Variants in PCDHA2 observed in about 807,000 individuals in gnomAD.
PCDHA2 encodes protocadherin alpha-2.
PCDHA2 carries 58 observed loss-of-function variants against 66.0 expected under a neutral mutation model. The observed-to-expected ratio is 0.88, with a 90% CI of 0.71 to 1.09. The LOEUF (loss-of-function observed/expected upper bound fraction) is 1.09, where lower values mean the gene tolerates loss of function less well. Ranked by LOEUF, PCDHA2 falls within the 50% of genes least tolerant of loss-of-function variation. The pLI, the probability that PCDHA2 is intolerant of heterozygous loss-of-function variation, is 0.00. For missense variants in PCDHA2, 1,267 were observed against 1,242.3 expected (o/e 1.02, Z -0.30); for synonymous variants, 634 against 554.0 (o/e 1.14, Z -2.03).
intron 1 of PCDHA2, chr5:140,926,750 G>T: frequency 8.0e-7 from 1 of 1,256,516 alleles, no homozygotes; most frequent in East Asian, 2.9e-5. Context: ...AACGTCGGCG[G>T]TCGCTGAGTA....
chr5:140,893,689 A>G (rs999117899), intron 1 of PCDHA2, among the ~76,000 whole-genome samples: 2 of 152,192 alleles, frequency 1.3e-5, no homozygotes, highest in Non-Finnish European at 2.9e-5. Context: ...ATATCATCTC[A>G]TTCTATCCTA....
At chr5:140,876,004 T>A in intron 1 of PCDHA2, 1 of 1,613,866 alleles carries the variant, frequency 6.2e-7, no homozygotes, top group African/African-American at 1.3e-5. Context: ...AAATGAGAAT[T>A]TTGAGCTTAA....
intron 3 of PCDHA2, among the ~76,000 whole-genome samples, chr5:140,991,204 A>C (rs1416431011): frequency 6.6e-6 from 1 of 152,198 alleles, no homozygotes; most frequent in East Asian, 1.9e-4. Flanking sequence ...ATGCTCAATA[A>C]ATTTTGTTAA....
At chr5:140,873,210 A>G (rs1372631390) in intron 1 of PCDHA2, among the ~76,000 whole-genome samples, 2 of 152,208 alleles carry the variant, frequency 1.3e-5, no homozygotes, top group African/African-American at 4.8e-5. Flanking sequence ...TTCTTTAAGT[A>G]TTAAAGAGAA....
At chr5:140,903,500 G>A (rs553764100) in intron 1 of PCDHA2, among the ~76,000 whole-genome samples, 1 of 152,184 alleles carries the variant, frequency 6.6e-6, no homozygotes, top group African/African-American at 2.4e-5. Flanking sequence ...AGGTACCATA[G>A]ATAATAGTTC....
chr5:140,801,930 A>G, intron 1 of PCDHA2: 1 of 1,614,234 alleles, frequency 6.2e-7, no homozygotes, highest in Non-Finnish European at 8.5e-7. Flanking sequence ...GTTTGAGAGG[A>G]CGATCTATAA....
At position 140,801,375 on chromosome 5, in the gene PCDHA2, G is replaced by C. The variant is rs781848330; in HGVS notation, c.2388+4023G>C. On this transcript the variant is annotated intron_variant, in intron 1 of 3. Transcript: ENST00000526136. ...CCTGGGGCTGGAGCTGGCGGAGCTG[G>C]TGCCGCGCCTGTTCCGGGTGGCGTC... 15 of 1,613,516 alleles carry C rather than the reference G, an allele frequency of 9.3e-6. No homozygotes were observed. In the South Asian group the frequency reaches 1.6e-4, roughly 18 times the overall value.
intron 1 of PCDHA2, among the ~76,000 whole-genome samples, chr5:140,920,150 G>A (rs2079485713): frequency 6.6e-6 from 1 of 152,244 alleles, no homozygotes; most frequent in South Asian, 2.1e-4. Flanking sequence ...CCAAACCTGG[G>A]AGAAAAACTG....
intron 1 of PCDHA2, chr5:140,801,498 G>T (rs569133317): frequency 6.2e-7 from 1 of 1,614,170 alleles, no homozygotes; most frequent in South Asian, 1.1e-5. Context: ...GCGGAGCGCG[G>T]AGTGCAGCAT....
chr5:140,921,630 A>G lies in PCDHA2; in HGVS notation c.2389-57319A>G, dbSNP rs554698507. ...AGAAAAATATCATCAGATCATCATTATGGTAGCTATTTTAAGGGAACTTAA... is the reference window on the plus strand; with the variant it reads ...AGAAAAATATCATCAGATCATCATTGTGGTAGCTATTTTAAGGGAACTTAA... On this transcript the variant is annotated intron_variant, in intron 1 of 3. Coordinates refer to ENST00000526136, the MANE Select transcript of PCDHA2 (RefSeq NM_018905.3). Among the ~76,000 whole-genome samples, 4 of 152,344 alleles carry G rather than the reference A, an allele frequency of 2.6e-5. No homozygotes were observed. The South Asian group carries it at 8.3e-4, about 32-fold the overall frequency.
chr5:140,883,142 G>A (rs150205860), intron 1 of PCDHA2: 1 of 1,614,004 alleles, frequency 6.2e-7, no homozygotes, highest in South Asian at 1.1e-5. Flanking sequence ...AGTGGTATAT[G>A]CATTTACCAT....
At chr5:140,829,158 C>A in intron 1 of PCDHA2, 1 of 1,614,016 alleles carries the variant, frequency 6.2e-7, no homozygotes, top group Non-Finnish European at 8.5e-7. Flanking sequence ...ACTTCCTTAT[C>A]CTTGCCTGTA....
intron 1 of PCDHA2, among the ~76,000 whole-genome samples, chr5:140,890,014 A>G (rs1402612271): frequency 6.6e-6 from 1 of 152,148 alleles, no homozygotes; most frequent in African/African-American, 2.4e-5. Flanking sequence ...TGCCAGAAAA[A>G]TGTAGAAGGC....
intron 1 of PCDHA2, chr5:140,877,792 C>A (rs782259804): frequency 1.9e-6 from 3 of 1,613,886 alleles, no homozygotes; most frequent in Non-Finnish European, 2.5e-6. Flanking sequence ...GGCCTTCAGC[C>A]CAAGCCTTCA....
At chr5:140,854,178 A>ATT in intron 1 of PCDHA2, 1 of 531,178 alleles carries the variant, frequency 1.9e-6, no homozygotes, top group Non-Finnish European at 2.4e-6. Context: ...AAAAAAAAAG[A>ATT]GTAGTTTAAC....
intron 1 of PCDHA2, chr5:140,877,314 G>A (rs2057020187): frequency 6.2e-7 from 1 of 1,613,972 alleles, no homozygotes; most frequent in Admixed American, 1.7e-5. Context: ...TGCAACCGGC[G>A]GCGGTCGGCG....
At chr5:140,858,414 T>C (rs2045398069) in intron 1 of PCDHA2, 1 of 1,562,782 alleles carries the variant, frequency 6.4e-7, no homozygotes. Flanking sequence ...GATCAGTCTA[T>C]TGGAGGGGAC....
chr5:140,846,036 T>A (rs2150383909), intron 1 of PCDHA2, among the ~76,000 whole-genome samples: 1 of 149,754 alleles, frequency 6.7e-6, no homozygotes, highest in Non-Finnish European at 1.5e-5. Context: ...TTTAGGAAAG[T>A]CAAGTTAACA....
intron 1 of PCDHA2, chr5:140,850,687 A>T: frequency 6.3e-7 from 1 of 1,597,792 alleles, no homozygotes. Context: ...ACCGAGGGCG[A>T]GTGCGCGCCT....
Sources: allele counts gnomAD v4.1 joint callset (sites outside exome capture counted in the v4.1 genomes callset), GRCh38; gene constraint gnomAD v4.1.1; transcripts MANE v1.5; gene names NCBI Gene and HGNC (gene_info 2026-07-23, HGNC 2026-07-21).